Variants in AOX1 observed in about 807,000 individuals in gnomAD.
AOX1 encodes aldehyde oxidase.
Under a neutral mutation model 169.5 loss-of-function variants are expected in AOX1, and 153 were observed. The ratio of observed to expected loss-of-function variants is 0.90; its 90% CI spans 0.79 to 1.03. AOX1 has a LOEUF of 1.03. Ranked by LOEUF, AOX1 falls within the 50% of genes least tolerant of loss-of-function variation. AOX1 has a pLI of 0.00. For missense variants in AOX1, 1,656 were observed against 1,663.9 expected, an observed-to-expected ratio of 1.00 and a Z score of 0.08; for synonymous variants, 562 against 581.9, an observed-to-expected ratio of 0.97 and a Z score of 0.49.
chr2:200,668,603 T>C lies in AOX1; in HGVS notation c.3610-12T>C. 1 of 1,589,874 alleles carries C rather than the reference T, an allele frequency of 6.3e-7. No homozygotes were observed. Among genetic ancestry groups the C allele is most frequent in the Non-Finnish European group, 8.6e-7 (1 of 1,168,456 alleles). ...CTCATACGTGGAAATTCTTTTTTTG[T>C]TCTTGCCTCAGATTGAAGGTGCATT... On this transcript the variant is annotated splice_polypyrimidine_tract_variant and intron_variant, in intron 32 of 34. Transcript: ENST00000374700.
At chr2:200,638,730 G>C (rs1574943428) in intron 23 of AOX1, among the ~76,000 whole-genome samples, 1 of 152,096 alleles carries the variant, frequency 6.6e-6, no homozygotes, top group Non-Finnish European at 1.5e-5. Flanking sequence ...GGATATTTTT[G>C]TAAAATGAGG....
intron 4 of AOX1, 65 bp from the exon 5 acceptor site, chr2:200,599,555 C>T: frequency 3.1e-6 from 4 of 1,308,378 alleles, no homozygotes; most frequent in South Asian, 2.9e-5. Context: ...AGAATGCAGG[C>T]TCTAATTCAT....
At position 200,612,653 on chromosome 2, in the gene AOX1, T is replaced by A; in HGVS notation, c.1308T>A (p.Asn436Lys). ...TCCGACAAGCCCAGCGACAGGAGAA[T>A]GCGCTAGCGATAGTCAATTCAGGAA... ...SAFRQAQRQE[N>K]ALAIVNSGMR... Residue 436 changes from asparagine to lysine, a missense_variant, in exon 14 of 35, where the codon AAT becomes AAA. Physicochemically the swap from Asn to Lys is moderately conservative, Grantham distance 94. Coordinates refer to ENST00000374700, the MANE Select transcript of AOX1 (RefSeq NM_001159.4). The A allele has an allele frequency of 1.2e-6, 2 of 1,614,052 alleles. No homozygotes were observed. Among genetic ancestry groups the A allele is most frequent in the Non-Finnish European group, 8.5e-7 (1 of 1,179,986 alleles).
rs376172931 is a variant in AOX1, at chr2:200,660,020, G to A, written c.3326G>A (p.Arg1109His). 2.5e-5 allele frequency: 41 copies of A among 1,613,592 alleles called. No individual in the cohort carries two copies. The highest frequency in any genetic ancestry group is 5.0e-5 in the Admixed American group (3 of 59,978). Residue 1109 changes from arginine to histidine, a missense_variant, in exon 29 of 35, where the codon CGC becomes CAC. By Grantham distance (29) the Arg-to-His change is conservative (BLOSUM62 0). Coordinates refer to ENST00000374700, the MANE Select transcript of AOX1 (RefSeq NM_001159.4). ...VKDACQTLLK[R>H]LEPIISKNPK... ...GATGCCTGTCAAACTCTTCTAAAAC[G>A]CCTCGAACCCATCATCAGCAAGAAT...
At chr2:200,632,126 C>T (rs970364023) in intron 20 of AOX1, among the ~76,000 whole-genome samples, 9 of 151,994 alleles carry the variant, frequency 5.9e-5, no homozygotes, top group Admixed American at 2.0e-4. Flanking sequence ...TTAACATGAT[C>T]GTCAGTAATA....
chr2:200,668,864 G>A, intron 33 of AOX1, 61 bp downstream of exon 33: 1 of 1,420,970 alleles, frequency 7.0e-7, no homozygotes. Flanking sequence ...GTGACAGGAA[G>A]GCTACATTCC....
intron 1 of AOX1, among the ~76,000 whole-genome samples, chr2:200,591,361 A>T (rs17448366): frequency 0.16 from 24,927 of 152,214 alleles, 2,297 homozygotes; most frequent in Non-Finnish European, 0.21. Flanking sequence ...AGGGTATTTT[A>T]GGTGGCAGAA....
At chr2:200,651,239 A>T in intron 26 of AOX1, 38 bp downstream of exon 26, 1 of 1,572,060 alleles carries the variant, frequency 6.4e-7, no homozygotes, top group Non-Finnish European at 8.8e-7. Context: ...GCTGCCTGGA[A>T]GCAGCCCTGA....
At position 200,601,073 on chromosome 2, in the gene AOX1, C is replaced by CTTTTTTT. The variant is rs58855977; in HGVS notation, c.437-1199_437-1193dup. Reference sequence around the variant, plus strand: ...TTTCTGTCAGCTGAAGCTTAGAGTGCTTTTTTTTTTTTTTTTTTGTCACAG... The same window carrying CTTTTTTT: ...TTTCTGTCAGCTGAAGCTTAGAGTGCTTTTTTTTTTTTTTTTTTTTTTTTTGTCACAG... On this transcript the variant is annotated intron_variant, in intron 5 of 34. Transcript: ENST00000374700. 7.6e-4 allele frequency among the ~76,000 whole-genome samples: 91 copies of CTTTTTTT among 120,466 alleles called. 4 individuals are homozygous for CTTTTTTT. Among genetic ancestry groups the CTTTTTTT allele is most frequent in the Non-Finnish European group, 1.0e-3 (61 of 59,688 alleles). The allele number at this position is 120,466 out of a possible 152,430, so 79.0% of individuals were successfully genotyped here.
chr2:200,663,049 C>A, intron 31 of AOX1, 80 bp downstream of exon 31: 2 of 1,086,706 alleles, frequency 1.8e-6, no homozygotes, highest in South Asian at 1.3e-5. Flanking sequence ...CTGAGGAGAG[C>A]TTAGTGAGTG....
chr2:200,674,974 C>T (rs1044478447), downstream of AOX1, among the ~76,000 whole-genome samples: 11 of 152,172 alleles, frequency 7.2e-5, no homozygotes, highest in African/African-American at 1.9e-4. Flanking sequence ...AACATCACGC[C>T]GGGGCAATTT....
Position 200,657,190 on chromosome 2 carries a change from A to ATATATT in AOX1, c.3171+254_3171+255insATATTT. Reference sequence around the variant, plus strand: ...AATATATATATATATATATATATATATTTTTTTTTTTTTTTAATTAGCAGG... The same window carrying ATATATT: ...AATATATATATATATATATATATATATATATTTTTTTTTTTTTTTTTAATTAGCAGG... On this transcript the variant is annotated intron_variant, in intron 27 of 34. Transcript: ENST00000374700. Among the ~76,000 whole-genome samples the ATATATT allele has an allele frequency of 6.3e-3, 399 of 62,854 alleles. 6 individuals are homozygous for ATATATT. The highest frequency in any genetic ancestry group is 8.1e-3 in the Non-Finnish European group (311 of 38,398). The allele number at this position is 62,854 out of a possible 152,430, so 41.2% of individuals were successfully genotyped here.
chr2:200,656,911 C>CAGGGGGTCCACACTA lies in AOX1; in HGVS notation c.3147_3161dup (p.Gly1050_Lys1054dup). On this transcript the variant is annotated inframe_insertion, in exon 27 of 35. Coordinates refer to ENST00000374700, the MANE Select transcript of AOX1 (RefSeq NM_001159.4). ...CACTCACGGTGGAATTGAAATGGGG[C>CAGGGGGTCCACACTA]AGGGGGTCCACACTAAAATGATTCA... 1 of 1,582,376 alleles carries CAGGGGGTCCACACTA rather than the reference C, an allele frequency of 6.3e-7. No individual in the cohort carries two copies.
intron 26 of AOX1, among the ~76,000 whole-genome samples, chr2:200,651,844 T>C (rs928166512): frequency 3.3e-5 from 5 of 152,278 alleles, no homozygotes; most frequent in Non-Finnish European, 2.9e-5. Flanking sequence ...CTTCATTCAT[T>C]CTTAAGAATG....
intron 18 of AOX1, among the ~76,000 whole-genome samples, chr2:200,622,845 A>C (rs2034914588): frequency 6.6e-6 from 1 of 152,150 alleles, no homozygotes; most frequent in African/African-American, 2.4e-5. Context: ...AAGTCTTTTC[A>C]TTGTAGAAAT....
At chr2:200,601,287 G>T (rs1361620994) in intron 5 of AOX1, among the ~76,000 whole-genome samples, 1 of 152,040 alleles carries the variant, frequency 6.6e-6, no homozygotes, top group Non-Finnish European at 1.5e-5. Flanking sequence ...AGAATAGAAT[G>T]GTGATTACCA....
At chr2:200,679,997 C>G (rs2036139041), downstream of AOX1, among the ~76,000 whole-genome samples, 1 of 152,110 alleles carries the variant, frequency 6.6e-6, no homozygotes, top group Non-Finnish European at 1.5e-5. Context: ...GGGAGGATCA[C>G]AAGCCCAAGA....
At chr2:200,598,717 C>G (rs568329013) in intron 4 of AOX1, among the ~76,000 whole-genome samples, 1 of 151,568 alleles carries the variant, frequency 6.6e-6, no homozygotes, top group East Asian at 1.9e-4. Flanking sequence ...TGCACTCCAG[C>G]CTGGCAACAG....
At chr2:200,642,507 A>G (rs2035371082) in intron 24 of AOX1, 103 bp from the exon 25 acceptor site, 3 of 841,148 alleles carry the variant, frequency 3.6e-6, no homozygotes, top group Non-Finnish European at 5.7e-6. Flanking sequence ...GTTAGATGAG[A>G]TGAAAAGAGA....
Sources: allele counts gnomAD v4.1 joint callset (sites outside exome capture counted in the v4.1 genomes callset), GRCh38; gene constraint gnomAD v4.1.1; transcripts MANE v1.5; gene names NCBI Gene and HGNC (gene_info 2026-07-23, HGNC 2026-07-21).